The following IKBKB variants were observed in gnomAD, a reference collection of about 807,000 sequenced individuals.
IKBKB encodes inhibitor of nuclear factor kappa-B kinase subunit beta.
Under a neutral mutation model 113.6 loss-of-function variants are expected in IKBKB, and 42 were observed. The observed-to-expected ratio is 0.37, with a 90% CI of 0.29 to 0.48. IKBKB has a LOEUF of 0.48. IKBKB is among the 20% of genes least tolerant of loss of function. The pLI is 0.99. For missense variants in IKBKB, 673 were observed against 939.7 expected (o/e 0.72, Z 3.71); for synonymous variants, 296 against 361.3 (o/e 0.82, Z 2.05).
intron 21 of IKBKB, chr8:42,329,512 T>C (rs1253939484): frequency 2.3e-6 from 2 of 874,136 alleles, no homozygotes; most frequent in African/African-American, 3.6e-5. Context: ...ATATTTATAA[T>C]TTTCTAGTAC....
intron 4 of IKBKB, among the ~76,000 whole-genome samples, chr8:42,291,562 G>C (rs956800209): frequency 2.0e-5 from 3 of 152,212 alleles, no homozygotes; most frequent in Non-Finnish European, 2.9e-5. Flanking sequence ...TCACAATAGT[G>C]GGGGCGGGAG....
chr8:42,312,453 T>C (rs1817897546), intron 8 of IKBKB, among the ~76,000 whole-genome samples: 2 of 152,222 alleles, frequency 1.3e-5, no homozygotes, highest in South Asian at 4.1e-4. Flanking sequence ...TTTTGTGGAC[T>C]ATCTAGTTTT....
In IKBKB at chr8:42,332,271, A is replaced by G. The variant is rs1385328040; in HGVS notation, c.*1292A>G. ...TTTCACTTGCTTTGTGGAGATTCACACTATGCACTGGGAAAGTATCTGAAA... is the reference window on the plus strand; with the variant it reads ...TTTCACTTGCTTTGTGGAGATTCACGCTATGCACTGGGAAAGTATCTGAAA... On this transcript the variant is annotated 3_prime_UTR_variant, in exon 22 of 22. Coordinates refer to ENST00000520810, the MANE Select transcript of IKBKB (RefSeq NM_001556.3). The G allele has an allele frequency of 6.6e-6, 1 of 152,248 alleles. No homozygotes were observed. The highest frequency in any genetic ancestry group is 1.5e-5 in the Non-Finnish European group (1 of 68,052). The allele number at this position is 152,248 out of a possible 1,614,324, so 9.4% of individuals were successfully genotyped here. A position where few individuals can be genotyped will look rare whatever the true frequency, so the allele number is the denominator to read the frequency against.
chr8:42,298,591 T>C (rs1028297874), intron 5 of IKBKB: 39 of 614,114 alleles, frequency 6.4e-5, no homozygotes, highest in Non-Finnish European at 7.3e-5. Flanking sequence ...CATAAAGCTT[T>C]TTGGAAAGCA....
At chr8:42,325,380 T>C (rs1820550134) in intron 19 of IKBKB, 1 of 986,038 alleles carries the variant, frequency 1.0e-6, no homozygotes, top group Admixed American at 6.1e-5. Flanking sequence ...ACTTTCCTGT[T>C]CTTTTCTTGT....
At chr8:42,329,418 G>C in intron 21 of IKBKB, 1 of 954,882 alleles carries the variant, frequency 1.0e-6, no homozygotes, top group South Asian at 2.9e-5. Context: ...CGCTTCCCGG[G>C]TTCAAGTGAT....
chr8:42,280,139 T>C (rs1395810913), intron 2 of IKBKB, among the ~76,000 whole-genome samples: 2 of 152,170 alleles, frequency 1.3e-5, no homozygotes, highest in Non-Finnish European at 2.9e-5. Flanking sequence ...TGAGCCACTG[T>C]GCTTGGTTGA....
chr8:42,329,646 A>G (rs954236811), intron 21 of IKBKB: 1 of 985,154 alleles, frequency 1.0e-6, no homozygotes, highest in African/African-American at 1.7e-5. Context: ...AGAAGGTAGC[A>G]TTGTTCCCAG....
rs950685455 is a variant in IKBKB at position 42,271,343 on chromosome 8, C to G, written c.-145C>G. 8 of 1,263,236 alleles carry G rather than the reference C, an allele frequency of 6.3e-6. No homozygotes were observed. The highest frequency in any genetic ancestry group is 4.4e-5 in the African/African-American group (3 of 67,806). 78.3% of individuals were successfully genotyped at this position (1,263,236 alleles called of 1,614,324 possible). The stretch of plus-strand genomic sequence containing the variant: ...AAGTGTTTGAGGAAGTCGCGCCGCG[C>G]TGCCCGCGTTAAGATTCCCGCATTT... On this transcript the variant is annotated 5_prime_UTR_variant, in exon 1 of 22. Transcript: ENST00000520810.
At chr8:42,318,282 TGTTG>T (rs1819073616) in intron 12 of IKBKB, among the ~76,000 whole-genome samples, 1 of 151,256 alleles carries the variant, frequency 6.6e-6, no homozygotes, top group Non-Finnish European at 1.5e-5. Context: ...AAAAAAATTC[TGTTG>T]AAAATATATG....
rs559875311 is a variant in IKBKB at position 42,289,723 on chromosome 8, A to T, written c.201-433A>T. ...TTCTCTGTGTGTCCACCTTGGGGTG[A>T]TGTGTGTGCGTGAACCAACCTGCCG... On this transcript the variant is annotated intron_variant, in intron 3 of 21. Transcript: ENST00000520810. 2.8e-4 allele frequency among the ~76,000 whole-genome samples: 42 copies of T among 152,256 alleles called. No individual in the cohort carries two copies. The South Asian group carries it at 8.5e-3, about 31-fold the overall frequency.
At chr8:42,318,087 T>C (rs1294017128) in intron 12 of IKBKB, among the ~76,000 whole-genome samples, 1 of 151,806 alleles carries the variant, frequency 6.6e-6, no homozygotes, top group Non-Finnish European at 1.5e-5. Context: ...TATAGTAAGC[T>C]CGCAAGTCTA....
At chr8:42,281,222 C>T (rs950346927) in intron 2 of IKBKB, among the ~76,000 whole-genome samples, 1 of 152,052 alleles carries the variant, frequency 6.6e-6, no homozygotes, top group Non-Finnish European at 1.5e-5. Context: ...GGTACACTTT[C>T]GAGGGCCTGG....
intron 2 of IKBKB, among the ~76,000 whole-genome samples, chr8:42,273,595 G>A (rs1808286581): frequency 6.6e-6 from 1 of 151,992 alleles, no homozygotes; most frequent in African/African-American, 2.4e-5. Flanking sequence ...TTGTAGAGAT[G>A]GGGTCTTGCT....
chr8:42,304,543 C>T (rs1816110054), intron 5 of IKBKB, among the ~76,000 whole-genome samples: 1 of 152,124 alleles, frequency 6.6e-6, no homozygotes, highest in Admixed American at 6.5e-5. Context: ...TATTTTATGT[C>T]CCTCACAGAA....
intron 19 of IKBKB, among the ~76,000 whole-genome samples, chr8:42,324,197 G>C (rs1469079924): frequency 2.6e-5 from 4 of 152,330 alleles, no homozygotes; most frequent in Non-Finnish European, 5.9e-5. Context: ...GCTGGTGTGT[G>C]TGGGGAAGGC....
Position 42,329,173 on chromosome 8 carries a change from G to A in IKBKB, c.2164G>A (p.Ala722Thr), listed in dbSNP as rs780471667. ...AHNLCTLLEN[A>T]IQDTVREQDQ... is the part of the protein sequence containing the mutation. ...TAACCTCTGCACCCTGCTAGAAAAT[G>A]CCATACAGGACACTGTGAGGGAACA... is the stretch of plus-strand genomic sequence containing the variant. The change falls in exon 21 of 22, where the codon GCC becomes ACC. Residue 722 changes from alanine (A) to threonine (T), a missense_variant. Physicochemically the swap from Ala to Thr is moderately conservative, Grantham distance 58 (BLOSUM62 0). Coordinates refer to ENST00000520810, the MANE Select transcript of IKBKB (RefSeq NM_001556.3). 1 of 1,606,340 alleles carries A rather than the reference G, an allele frequency of 6.2e-7. No homozygotes were observed. Among genetic ancestry groups the A allele is most frequent in the East Asian group, 2.3e-5 (1 of 44,324 alleles).
At position 42,318,683 on chromosome 8, in the gene IKBKB, G is replaced by C; in HGVS notation, c.1364+8G>C. ...GGGACAGCGAGCCGCCATGTAGCGTGCCAGGCTTTTTTTTTAAACTTAATT... is the reference window on the plus strand; with the variant it reads ...GGGACAGCGAGCCGCCATGTAGCGTCCCAGGCTTTTTTTTTAAACTTAATT... On this transcript the variant is annotated splice_region_variant and intron_variant, in intron 13 of 21. Coordinates refer to ENST00000520810, the MANE Select transcript of IKBKB (RefSeq NM_001556.3). 1 of 1,582,428 alleles carries C rather than the reference G, an allele frequency of 6.3e-7. No individual in the cohort carries two copies. Among genetic ancestry groups the C allele is most frequent in the Non-Finnish European group, 8.6e-7 (1 of 1,166,440 alleles).
At chr8:42,290,944 G>A (rs1049468804) in intron 4 of IKBKB, among the ~76,000 whole-genome samples, 1 of 152,180 alleles carries the variant, frequency 6.6e-6, no homozygotes, top group Non-Finnish European at 1.5e-5. Context: ...CCCTATGACA[G>A]TACCACACAG....
Sources: allele counts gnomAD v4.1 joint callset (sites outside exome capture counted in the v4.1 genomes callset), GRCh38; gene constraint gnomAD v4.1.1; transcripts MANE v1.5; gene names NCBI Gene and HGNC (gene_info 2026-07-23, HGNC 2026-07-21).